NTN4: variants seen among roughly 807,000 people sequenced by gnomAD.
NTN4 encodes the protein netrin-4.
NTN4 carries 32 observed loss-of-function variants against 73.6 expected under a neutral mutation model. That is an observed-to-expected ratio of 0.44 (90% confidence interval 0.33 to 0.58). The LOEUF (loss-of-function observed/expected upper bound fraction) is 0.58. Ranked by LOEUF, NTN4 falls within the 20% of genes least tolerant of loss-of-function variation. The pLI is 0.04. For missense variants in NTN4, 654 were observed against 798.3 expected (o/e 0.82, Z 2.18); for synonymous variants, 258 against 287.5 (o/e 0.90, Z 1.04).
chr12:95,683,241 T>G (rs2078332887), intron 6 of NTN4, among the ~76,000 whole-genome samples: 1 of 152,116 alleles, frequency 6.6e-6, no homozygotes, highest in Non-Finnish European at 1.5e-5. Context: ...TTTGTATTTT[T>G]AGTAGAGATG....
At chr12:95,725,613 A>G (rs2078688097) in intron 3 of NTN4, among the ~76,000 whole-genome samples, 1 of 152,156 alleles carries the variant, frequency 6.6e-6, no homozygotes, top group African/African-American at 2.4e-5. Flanking sequence ...ACAGGGTATT[A>G]CAAAAGTTGA....
intron 2 of NTN4, among the ~76,000 whole-genome samples, chr12:95,742,438 G>A (rs1367651022): frequency 5.3e-5 from 8 of 151,554 alleles, no homozygotes; most frequent in Non-Finnish European, 1.2e-4. Flanking sequence ...CATCAATACA[G>A]TGTGAACAGA....
intron 2 of NTN4, among the ~76,000 whole-genome samples, chr12:95,751,270 C>T (rs944509457): frequency 5.3e-5 from 8 of 151,522 alleles, no homozygotes; most frequent in African/African-American, 2.0e-4. Flanking sequence ...TGAGACAAAC[C>T]CCACAACAGG....
At chr12:95,730,292 A>C (rs2078728627) in intron 3 of NTN4, among the ~76,000 whole-genome samples, 1 of 152,156 alleles carries the variant, frequency 6.6e-6, no homozygotes, top group Non-Finnish European at 1.5e-5. Flanking sequence ...ACTCAACCTT[A>C]CTTTCCCATT....
intron 2 of NTN4, among the ~76,000 whole-genome samples, chr12:95,784,449 A>G (rs1230825742): frequency 6.6e-6 from 1 of 152,178 alleles, no homozygotes; most frequent in Non-Finnish European, 1.5e-5. Flanking sequence ...ACTAGGTCAC[A>G]CTTGATGCTT....
intron 2 of NTN4, among the ~76,000 whole-genome samples, chr12:95,779,607 A>T (rs2079118147): frequency 6.6e-6 from 1 of 152,076 alleles, no homozygotes; most frequent in Non-Finnish European, 1.5e-5. Context: ...AAGGGATGTG[A>T]TGGACCTCTT....
chr12:95,715,973 A>G (rs1314503456), intron 3 of NTN4, among the ~76,000 whole-genome samples: 2 of 152,054 alleles, frequency 1.3e-5, no homozygotes, highest in Non-Finnish European at 2.9e-5. Context: ...AAATCTTCCG[A>G]GGCTGAAGAA....
intron 3 of NTN4, among the ~76,000 whole-genome samples, chr12:95,722,201 A>G (rs1177543530): frequency 3.3e-5 from 5 of 152,188 alleles, no homozygotes; most frequent in South Asian, 2.1e-4. Flanking sequence ...AAATAAAGCA[A>G]AAACAAACCC....
At chr12:95,768,171 G>C (rs557062035) in intron 2 of NTN4, among the ~76,000 whole-genome samples, 1 of 152,186 alleles carries the variant, frequency 6.6e-6, no homozygotes, top group African/African-American at 2.4e-5. Context: ...CTCCAAGTGT[G>C]GTCTGGGCTA....
chr12:95,732,786 G>C (rs1427054473), intron 3 of NTN4, among the ~76,000 whole-genome samples: 1 of 152,114 alleles, frequency 6.6e-6, no homozygotes, highest in Non-Finnish European at 1.5e-5. Context: ...GAAAACTGTA[G>C]CTTTAAATCT....
At chr12:95,671,706 C>T (rs1318562540) in intron 7 of NTN4, among the ~76,000 whole-genome samples, 1 of 152,188 alleles carries the variant, frequency 6.6e-6, no homozygotes, top group East Asian at 1.9e-4. Context: ...AGATATATAG[C>T]ATTCTCATAC....
At chr12:95,723,596 A>C (rs751879100) in intron 3 of NTN4, among the ~76,000 whole-genome samples, 10 of 151,616 alleles carry the variant, frequency 6.6e-5, no homozygotes, top group Admixed American at 2.0e-4. Flanking sequence ...GTTCACTGCA[A>C]CCTCTGCCTC....
chr12:95,689,329 G>A (rs1244102450), intron 5 of NTN4, among the ~76,000 whole-genome samples: 1 of 152,106 alleles, frequency 6.6e-6, no homozygotes, highest in Non-Finnish European at 1.5e-5. Context: ...CATAGCAGAG[G>A]CCTAGCCTAC....
At chr12:95,724,021 G>A (rs11614560) in intron 3 of NTN4, among the ~76,000 whole-genome samples, 53,965 of 151,668 alleles carry the variant, frequency 0.36, 11,303 homozygotes, top group Non-Finnish European at 0.47. Flanking sequence ...ATGTTACCTA[G>A]AGTTTTTTTT....
chr12:95,692,710 A>G (rs1465796843), intron 5 of NTN4, among the ~76,000 whole-genome samples: 1 of 152,224 alleles, frequency 6.6e-6, no homozygotes, highest in East Asian at 1.9e-4. Flanking sequence ...CTGACAATAA[A>G]TACAGTTGTT....
intron 5 of NTN4, among the ~76,000 whole-genome samples, chr12:95,700,080 A>AT (rs56063223): frequency 0.027 from 1,137 of 41,724 alleles, 252 homozygotes; most frequent in Middle Eastern, 0.06. Flanking sequence ...TAAAGTGAGG[A>AT]TTTTTTTTTT....
chr12:95,670,397 C>T (rs986136312), intron 7 of NTN4: 3 of 313,794 alleles, frequency 9.6e-6, no homozygotes, highest in African/African-American at 4.3e-5. Flanking sequence ...TATTTCAATG[C>T]TTGTAATTGA....
chr12:95,761,960 G>A (rs2078992096), intron 2 of NTN4, among the ~76,000 whole-genome samples: 1 of 151,746 alleles, frequency 6.6e-6, no homozygotes, highest in South Asian at 2.1e-4. Flanking sequence ...ATTACCTCCT[G>A]TTTATCTCCT....
At chr12:95,775,877 T>C (rs2079088321) in intron 2 of NTN4, among the ~76,000 whole-genome samples, 1 of 152,172 alleles carries the variant, frequency 6.6e-6, no homozygotes, top group African/African-American at 2.4e-5. Flanking sequence ...ATGGACAGCC[T>C]GCCTCCTGAG....
Sources: allele counts gnomAD v4.1 joint callset (sites outside exome capture counted in the v4.1 genomes callset), GRCh38; gene constraint gnomAD v4.1.1; transcripts MANE v1.5; gene names NCBI Gene and HGNC (gene_info 2026-07-23, HGNC 2026-07-21).